EPB41L2: variants seen among roughly 807,000 people sequenced by gnomAD.
EPB41L2 encodes the protein band 4.1-like protein 2.
In EPB41L2, 43 loss-of-function variants were observed where a neutral mutation model predicts 113.0. The ratio of observed to expected loss-of-function variants is 0.38; its 90% CI spans 0.30 to 0.49. The LOEUF is 0.49. EPB41L2 is among the 20% of genes least tolerant of loss of function. The pLI is 0.95. For synonymous variants in EPB41L2, 442 were observed against 436.7 expected (o/e 1.01, Z -0.15); for missense variants, 1,147 against 1,223.4 (o/e 0.94, Z 0.93).
intron 1 of EPB41L2, among the ~76,000 whole-genome samples, chr6:130,961,599 C>T (rs1773551425): frequency 6.6e-6 from 1 of 152,172 alleles, no homozygotes; most frequent in African/African-American, 2.4e-5. Context: ...ACCTCACAAA[C>T]ACACAAACAA....
chr6:130,892,036 TA>T, intron 10 of EPB41L2, among the ~76,000 whole-genome samples: 1 of 152,184 alleles, frequency 6.6e-6, no homozygotes, highest in East Asian at 1.9e-4. Flanking sequence ...CTGCTTTTGT[TA>T]ACCATTATAT....
intron 1 of EPB41L2, among the ~76,000 whole-genome samples, chr6:131,040,097 C>T (rs1441023003): frequency 6.6e-6 from 1 of 152,132 alleles, no homozygotes; most frequent in Non-Finnish European, 1.5e-5. Context: ...ACTGGTTGCA[C>T]AACAATGTGA....
chr6:130,851,433 T>G (rs1235464565), intron 19 of EPB41L2, among the ~76,000 whole-genome samples: 3 of 152,198 alleles, frequency 2.0e-5, no homozygotes, highest in Non-Finnish European at 2.9e-5. Context: ...ACACGACTAA[T>G]TTAGAGGTAT....
intron 4 of EPB41L2, among the ~76,000 whole-genome samples, chr6:130,915,298 G>A (rs1037935476): frequency 1.3e-4 from 19 of 151,988 alleles, no homozygotes; most frequent in East Asian, 1.9e-4. Flanking sequence ...GCGAGACTCC[G>A]TCTCAAAAAA....
chr6:131,000,453 C>A (rs1216706967), intron 1 of EPB41L2, among the ~76,000 whole-genome samples: 1 of 152,168 alleles, frequency 6.6e-6, no homozygotes. Flanking sequence ...GGAAATCTGA[C>A]CAACGCAACT....
At chr6:130,893,563 G>A (rs1450125473) in intron 10 of EPB41L2, among the ~76,000 whole-genome samples, 1 of 152,184 alleles carries the variant, frequency 6.6e-6, no homozygotes, top group Non-Finnish European at 1.5e-5. Context: ...CAGCACTGAG[G>A]ATCCAGCTCA....
At chr6:130,995,526 T>C (rs74947739) in intron 1 of EPB41L2, among the ~76,000 whole-genome samples, 1,699 of 152,176 alleles carry the variant, frequency 0.011, 37 homozygotes, top group African/African-American at 0.036. Flanking sequence ...ATAAAATGTA[T>C]AAAACCAAAC....
chr6:130,990,269 C>G (rs550522974), intron 1 of EPB41L2, among the ~76,000 whole-genome samples: 61 of 151,256 alleles, frequency 4.0e-4, no homozygotes, highest in African/African-American at 1.4e-3. Flanking sequence ...TGCAGTGAGC[C>G]AAGATCACAC....
intron 1 of EPB41L2, chr6:131,015,884 C>T (rs779345879): frequency 6.6e-6 from 1 of 152,028 alleles, no homozygotes; most frequent in Non-Finnish European, 1.5e-5. Flanking sequence ...TATTTGCTTC[C>T]GGGTGTTGTT....
intron 1 of EPB41L2, among the ~76,000 whole-genome samples, chr6:131,062,146 A>C (rs1798783131): frequency 1.3e-5 from 2 of 151,934 alleles, no homozygotes; most frequent in South Asian, 4.2e-4. Context: ...TCCCCAAAAT[A>C]ATAGACTCTA....
intron 1 of EPB41L2, among the ~76,000 whole-genome samples, chr6:130,960,338 A>G (rs560122406): frequency 6.6e-6 from 1 of 152,362 alleles, no homozygotes; most frequent in Middle Eastern, 3.4e-3. Flanking sequence ...CTCTCTTAAA[A>G]GTAAGAAATT....
At chr6:130,981,159 C>T (rs1002204798) in intron 1 of EPB41L2, among the ~76,000 whole-genome samples, 1 of 152,000 alleles carries the variant, frequency 6.6e-6, no homozygotes, top group Admixed American at 6.6e-5. Context: ...TATGAGAAGT[C>T]ATTGGTGTTT....
chr6:130,890,515 A>G (rs1275902882), intron 10 of EPB41L2, 49 bp from the exon 11 acceptor site: 2 of 1,551,716 alleles, frequency 1.3e-6, no homozygotes, highest in Non-Finnish European at 1.7e-6. Context: ...GGGAAGCAAA[A>G]TTAGACTTTA....
chr6:130,935,053 A>G (rs1438993554), intron 3 of EPB41L2, among the ~76,000 whole-genome samples: 1 of 152,166 alleles, frequency 6.6e-6, no homozygotes, highest in Non-Finnish European at 1.5e-5. Flanking sequence ...CAGGATTCAA[A>G]GGATTATGAC....
intron 8 of EPB41L2, among the ~76,000 whole-genome samples, chr6:130,896,892 G>C (rs1191853851): frequency 6.6e-6 from 1 of 152,142 alleles, no homozygotes; most frequent in African/African-American, 2.4e-5. Context: ...TTCTTGCAAA[G>C]GATCAGGAGA....
At chr6:130,872,688 A>G (rs1271287003) in intron 14 of EPB41L2, 1 of 523,436 alleles carries the variant, frequency 1.9e-6, no homozygotes, top group East Asian at 7.8e-5. Flanking sequence ...CAGATTCTGG[A>G]GCAGGCTTAT....
chr6:130,885,135 G>A lies in EPB41L2; in HGVS notation c.1794C>T (p.Ser598=). ...GCTGCAAATGTGGGGCTTTAGTTGG[G>A]CTTCTCACTTCCCTCCTGCCGTCCC... The part of the protein sequence containing the change: ...QDGDGRREVR[S]PTKAPHLQLI... Residue 598 remains serine (S), a synonymous_variant, in exon 12 of 20, where the codon AGC becomes AGT. Transcript: ENST00000337057. The A allele has an allele frequency of 6.2e-7, 1 of 1,614,048 alleles. No homozygotes were observed. The highest frequency in any genetic ancestry group is 8.5e-7 in the Non-Finnish European group (1 of 1,179,988).
intron 1 of EPB41L2, among the ~76,000 whole-genome samples, chr6:131,009,385 G>A (rs7769519): frequency 0.046 from 7,037 of 152,084 alleles, 265 homozygotes; most frequent in African/African-American, 0.1. Context: ...ACCCAGTCTC[G>A]GGTATTTGTT....
At chr6:131,002,456 C>T (rs964228997) in intron 1 of EPB41L2, among the ~76,000 whole-genome samples, 25 of 152,144 alleles carry the variant, frequency 1.6e-4, no homozygotes, top group African/African-American at 4.8e-5. Flanking sequence ...CATTAATAAA[C>T]AGGTCAAATT....
Sources: allele counts gnomAD v4.1 joint callset (sites outside exome capture counted in the v4.1 genomes callset), GRCh38; gene constraint gnomAD v4.1.1; transcripts MANE v1.5; gene names NCBI Gene and HGNC (gene_info 2026-07-23, HGNC 2026-07-21).